The following RYR2 variants were observed in gnomAD, a reference collection of about 807,000 sequenced individuals.
The protein encoded by RYR2 is cardiac muscle ryanodine receptor-calcium release channel.
RYR2 carries 227 observed loss-of-function variants against 601.1 expected under a neutral mutation model. The ratio of observed to expected loss-of-function variants is 0.38; its 90% CI spans 0.34 to 0.42. The LOEUF (loss-of-function observed/expected upper bound fraction) is 0.42, where lower values mean the gene tolerates loss of function less well. Among genes scored for constraint, RYR2 ranks in the 10% least tolerant of loss-of-function variants. The pLI, the probability that RYR2 is intolerant of heterozygous loss-of-function variation, is 1.00. For missense variants in RYR2, 4,646 were observed against 6,156.5 expected, an observed-to-expected ratio of 0.75 and a Z score of 8.21; for synonymous variants, 2,223 against 2,175.1, an observed-to-expected ratio of 1.02 and a Z score of -0.61.
At chr1:237,465,583 A>G (rs1659984456) in intron 16 of RYR2, among the ~76,000 whole-genome samples, 2 of 152,208 alleles carry the variant, frequency 1.3e-5, no homozygotes, top group Admixed American at 6.5e-5. Flanking sequence ...GTTATAGCCT[A>G]TTGCACAGCT....
At chr1:237,612,955 C>A (rs1405017853) in intron 36 of RYR2, among the ~76,000 whole-genome samples, 1 of 152,102 alleles carries the variant, frequency 6.6e-6, no homozygotes, top group Non-Finnish European at 1.5e-5. Context: ...GGCATCAGGC[C>A]ATAGAAAATA....
chr1:237,449,161 T>G (rs566716602), intron 14 of RYR2, among the ~76,000 whole-genome samples: 1 of 152,288 alleles, frequency 6.6e-6, no homozygotes, highest in South Asian at 2.1e-4. Context: ...TCCCATTTCC[T>G]CCTTTTTCTT....
chr1:237,278,245 A>AT (rs71561863), intron 2 of RYR2, among the ~76,000 whole-genome samples: 21,461 of 67,158 alleles, frequency 0.32, 6,288 homozygotes, highest in Non-Finnish European at 0.44. Context: ...TAATTTTTGT[A>AT]TTTTTTTTTT....
intron 8 of RYR2, among the ~76,000 whole-genome samples, chr1:237,380,245 G>A (rs537790650): frequency 1.3e-4 from 19 of 150,416 alleles, no homozygotes; most frequent in African/African-American, 3.2e-4. Flanking sequence ...AAGTGAGTTC[G>A]TGAAAGGACT....
chr1:237,619,463 A>T (rs1678835212), intron 38 of RYR2, among the ~76,000 whole-genome samples: 1 of 152,222 alleles, frequency 6.6e-6, no homozygotes, highest in African/African-American at 2.4e-5. Flanking sequence ...GGTGATATCA[A>T]CTACCCCATC....
intron 3 of RYR2, among the ~76,000 whole-genome samples, chr1:237,354,369 G>C (rs1409471757): frequency 6.6e-6 from 1 of 152,032 alleles, no homozygotes; most frequent in African/African-American, 2.4e-5. Flanking sequence ...GTATGCATGT[G>C]TGAATGTCTG....
intron 29 of RYR2, among the ~76,000 whole-genome samples, chr1:237,576,571 A>G (rs1286995538): frequency 6.6e-6 from 1 of 152,136 alleles, no homozygotes; most frequent in African/African-American, 2.4e-5. Context: ...CACACCCTAT[A>G]TGATAACGAA....
rs992332856 is a variant in RYR2, at chr1:237,759,802, A to G, written c.11352A>G (p.Lys3784=). 1 of 1,613,228 alleles carries G rather than the reference A, an allele frequency of 6.2e-7. No individual in the cohort carries two copies. Among genetic ancestry groups the G allele is most frequent in the Non-Finnish European group, 8.5e-7 (1 of 1,179,318 alleles). ...AAATGCTTGACTACCTCAAGGAGAAAAAGGATGTGGGCTTCTTTCAGAGCC... is the reference window on the plus strand; with the variant it reads ...AAATGCTTGACTACCTCAAGGAGAAGAAGGATGTGGGCTTCTTTCAGAGCC... The part of the protein sequence containing the change: ...QQKMLDYLKE[K]KDVGFFQSLA... The change falls in exon 83 of 105, where the codon AAA becomes AAG. Residue 3784 remains lysine (K), a synonymous_variant. Coordinates refer to ENST00000366574, the MANE Select transcript of RYR2 (RefSeq NM_001035.3).
At chr1:237,245,588 C>T (rs879644197) in intron 1 of RYR2, among the ~76,000 whole-genome samples, 22 of 152,068 alleles carry the variant, frequency 1.4e-4, no homozygotes, top group African/African-American at 4.1e-4. Flanking sequence ...AGTTGTCAAC[C>T]GTGTATCAAG....
chr1:237,292,027 A>G (rs1692266883), intron 2 of RYR2, among the ~76,000 whole-genome samples: 1 of 152,206 alleles, frequency 6.6e-6, no homozygotes, highest in Non-Finnish European at 1.5e-5. Flanking sequence ...GGGCAGAGGT[A>G]TATGGGAACT....
chr1:237,496,512 A>T lies in RYR2; in HGVS notation c.1963A>T (p.Met655Leu), dbSNP rs1664091653. 1 of 1,613,634 alleles carries T rather than the reference A, an allele frequency of 6.2e-7. No individual in the cohort carries two copies. The highest frequency in any genetic ancestry group is 8.5e-7 in the Non-Finnish European group (1 of 1,179,636). Residue 655 changes from methionine (M) to leucine (L), a missense_variant and splice_region_variant, in exon 20 of 105, where the codon ATG becomes TTG. This residue lies in a region of RYR2 where 1,807 missense variants were observed against 2,088.1 expected (regional missense o/e 0.87). Coordinates refer to ENST00000366574, the MANE Select transcript of RYR2 (RefSeq NM_001035.3). ...CATGTGATTCCCGTCTCTTTAAAGC[A>T]TGAGACCCAATATTTTTCTGGGCGT... ...QTRLVNHVSS[M>L]RPNIFLGVSE...
At chr1:237,806,748 C>T (rs185451061) in intron 99 of RYR2, among the ~76,000 whole-genome samples, 12 of 152,240 alleles carry the variant, frequency 7.9e-5, no homozygotes, top group Admixed American at 2.0e-4. Context: ...GCTGGATATT[C>T]ATGTACTCTT....
At chr1:237,697,759 A>G (rs1473584550) in intron 63 of RYR2, among the ~76,000 whole-genome samples, 2 of 151,938 alleles carry the variant, frequency 1.3e-5, no homozygotes, top group Admixed American at 6.6e-5. Context: ...TAAGAGTTCC[A>G]GGAGAAGCCC....
At chr1:237,104,131 C>T (rs1233856862) in intron 1 of RYR2, among the ~76,000 whole-genome samples, 1 of 152,268 alleles carries the variant, frequency 6.6e-6, no homozygotes, top group African/African-American at 2.4e-5. Context: ...ATCCATCTCC[C>T]ACCTTTTCGT....
Position 237,494,105 on chromosome 1 carries a change from C to T in RYR2, c.1961+1018C>T, listed in dbSNP as rs191980271. Among the ~76,000 whole-genome samples, 66 of 152,134 alleles carry T rather than the reference C, an allele frequency of 4.3e-4. No homozygotes were observed. In the South Asian group the frequency reaches 8.3e-3, roughly 19 times the overall value. ...GTCAGGCTTCTCTAGAGGCACAGGG[C>T]GAATAGGATAGCTGTATATATGAAA... On this transcript the variant is annotated intron_variant, in intron 19 of 104. Coordinates refer to ENST00000366574, the MANE Select transcript of RYR2 (RefSeq NM_001035.3).
intron 1 of RYR2, among the ~76,000 whole-genome samples, chr1:237,114,967 G>C (rs1669892180): frequency 6.6e-6 from 1 of 152,178 alleles, no homozygotes; most frequent in African/African-American, 2.4e-5. Context: ...GATTATCCAG[G>C]AAATTGGGAG....
chr1:237,344,523 C>G (rs935062906), intron 3 of RYR2, among the ~76,000 whole-genome samples: 3 of 152,128 alleles, frequency 2.0e-5, no homozygotes, highest in African/African-American at 7.2e-5. Context: ...AATTCTGAGC[C>G]TTTCAAAAGT....
intron 10 of RYR2, among the ~76,000 whole-genome samples, chr1:237,393,034 A>T (rs1702516588): frequency 6.6e-6 from 1 of 152,184 alleles, no homozygotes; most frequent in Non-Finnish European, 1.5e-5. Flanking sequence ...GATGAAATGC[A>T]TTAGGTGATG....
chr1:237,246,562 G>A (rs1449474235), intron 1 of RYR2, among the ~76,000 whole-genome samples: 5 of 151,990 alleles, frequency 3.3e-5, no homozygotes, highest in Admixed American at 1.3e-4. Context: ...TCAGCCTCCC[G>A]AGTAGCTAGG....
Sources: allele counts gnomAD v4.1 joint callset (sites outside exome capture counted in the v4.1 genomes callset), GRCh38; gene constraint gnomAD v4.1.1; regional missense constraint gnomAD v4.1.1; transcripts MANE v1.5; gene names NCBI Gene and HGNC (gene_info 2026-07-23, HGNC 2026-07-21).